FTCDNL1: variants seen among roughly 807,000 people sequenced by gnomAD.
FTCDNL1 encodes formiminotransferase N-terminal subdomain-containing protein.
A neutral mutation model predicts 5.9 loss-of-function variants in FTCDNL1; 11 were observed. That is an observed-to-expected ratio of 1.87 (90% CI 1.18 to 3.10). The LOEUF (loss-of-function observed/expected upper bound fraction) is 3.10. FTCDNL1 is among the 30% of genes most tolerant of loss of function. The pLI, the probability that FTCDNL1 is intolerant of heterozygous loss-of-function variation, is 0.00. For missense variants in FTCDNL1, 115 were observed against 65.5 expected (o/e 1.76, Z -2.61); for synonymous variants, 58 against 24.8 (o/e 2.34, Z -3.99).
chr2:199,710,321 GT>G, the FTCDNL1 span, among the ~76,000 whole-genome samples: 1 of 152,100 alleles, frequency 6.6e-6, no homozygotes, highest in Admixed American at 6.6e-5. Context: ...AGTTCAAGAA[GT>G]TTTTTTCAGG....
chr2:199,777,113 C>T (rs112241802), intron 3 of FTCDNL1, among the ~76,000 whole-genome samples: 2,507 of 151,560 alleles, frequency 0.017, 25 homozygotes, highest in Middle Eastern at 0.024. Context: ...GCCAACATGG[C>T]GAAACCCCGT....
At chr2:199,715,058 C>T in the FTCDNL1 span, among the ~76,000 whole-genome samples, 1 of 151,846 alleles carries the variant, frequency 6.6e-6, no homozygotes, top group Non-Finnish European at 1.5e-5. Context: ...CTAACCTGCA[C>T]ATTGTGCACA....
At chr2:199,675,676 C>G in the FTCDNL1 span, among the ~76,000 whole-genome samples, 2 of 152,088 alleles carry the variant, frequency 1.3e-5, no homozygotes, top group African/African-American at 4.8e-5. Context: ...GTGGCTTCTT[C>G]CTCACGGTTC....
At chr2:199,686,228 G>A in the FTCDNL1 span, among the ~76,000 whole-genome samples, 3 of 139,422 alleles carry the variant, frequency 2.2e-5, no homozygotes, top group Non-Finnish European at 4.8e-5. Flanking sequence ...TTTTTGTTAT[G>A]CACTATGATT....
the FTCDNL1 span, among the ~76,000 whole-genome samples, chr2:199,685,676 A>G: frequency 6.6e-6 from 1 of 152,198 alleles, no homozygotes; most frequent in Non-Finnish European, 1.5e-5. Context: ...AGTTTTTAAA[A>G]TCCTATGTTC....
At chr2:199,692,499 C>A in the FTCDNL1 span, among the ~76,000 whole-genome samples, 1 of 152,128 alleles carries the variant, frequency 6.6e-6, no homozygotes, top group South Asian at 2.1e-4. Flanking sequence ...TTTACAGTGG[C>A]GTAATTAAGG....
chr2:199,723,820 A>C, the FTCDNL1 span, among the ~76,000 whole-genome samples: 541 of 152,296 alleles, frequency 3.6e-3, 3 homozygotes, highest in African/African-American at 0.012. Flanking sequence ...ATCAATGTTC[A>C]TCAGGGATAT....
the FTCDNL1 span, among the ~76,000 whole-genome samples, chr2:199,703,155 T>C: frequency 6.6e-6 from 1 of 152,086 alleles, no homozygotes; most frequent in African/African-American, 2.4e-5. Flanking sequence ...GCTGCACCCA[T>C]TAACTCATCA....
At chr2:199,768,819 A>G (rs1027804850) in intron 3 of FTCDNL1, among the ~76,000 whole-genome samples, 16 of 152,138 alleles carry the variant, frequency 1.1e-4, no homozygotes, top group African/African-American at 3.9e-4. Flanking sequence ...TTTAACACGT[A>G]CTTGGCTGCT....
At chr2:199,717,351 T>C in the FTCDNL1 span, among the ~76,000 whole-genome samples, 6 of 152,238 alleles carry the variant, frequency 3.9e-5, no homozygotes, top group Admixed American at 1.3e-4. Flanking sequence ...GTTCAGTACT[T>C]ATTTCAGTAA....
At chr2:199,842,965 A>T (rs1037334066) in intron 3 of FTCDNL1, among the ~76,000 whole-genome samples, 18 of 152,146 alleles carry the variant, frequency 1.2e-4, no homozygotes, top group African/African-American at 4.1e-4. Flanking sequence ...CTTAAAAAAA[A>T]TTTGGATGAT....
chr2:199,837,630 A>C (rs1702842263), intron 3 of FTCDNL1, among the ~76,000 whole-genome samples: 1 of 152,206 alleles, frequency 6.6e-6, no homozygotes, highest in African/African-American at 2.4e-5. Context: ...CGCTGTGTGA[A>C]TGTGTCATGG....
intron 4 of FTCDNL1, among the ~76,000 whole-genome samples, chr2:199,814,032 C>T (rs1701205328): frequency 6.6e-6 from 1 of 151,910 alleles, no homozygotes. Flanking sequence ...AAGGTAAAAC[C>T]CTAGCCTAAA....
the FTCDNL1 span, among the ~76,000 whole-genome samples, chr2:199,679,180 A>G: frequency 2.0e-5 from 3 of 152,080 alleles, no homozygotes; most frequent in Non-Finnish European, 4.4e-5. Context: ...TTAATATTGA[A>G]TATTTTTATA....
chr2:199,789,551 T>C (rs1275883465), intron 3 of FTCDNL1, among the ~76,000 whole-genome samples: 2 of 152,124 alleles, frequency 1.3e-5, no homozygotes, highest in African/African-American at 4.8e-5. Context: ...CCATCTTAAT[T>C]AAAATTAGGA....
the FTCDNL1 span, among the ~76,000 whole-genome samples, chr2:199,735,113 T>TAAA: frequency 1.7e-5 from 1 of 58,764 alleles, no homozygotes; most frequent in African/African-American, 8.8e-5. Flanking sequence ...CCACTACCTT[T>TAAA]AGAAAAAAAA....
rs182415908 is a variant in FTCDNL1, at chr2:199,779,195, A to G, written c.212-18360T>C. ...ACAATATTTCTTATAAATTGGCTCT[A>G]TCGGCTGGGCAAAAGACTATTGATA... is the stretch of plus-strand genomic sequence containing the variant. On this transcript the variant is annotated intron_variant, in intron 3 of 3. Coordinates refer to the FTCDNL1 transcript ENST00000416668. Among the ~76,000 whole-genome samples, 304 of 152,358 alleles carry G rather than the reference A, an allele frequency of 2.0e-3. 1 individual carries two copies. The highest frequency in any genetic ancestry group is 3.2e-3 in the Non-Finnish European group (221 of 68,026).
At chr2:199,774,449 C>T (rs1447472055) in intron 3 of FTCDNL1, among the ~76,000 whole-genome samples, 1 of 152,106 alleles carries the variant, frequency 6.6e-6, no homozygotes, top group African/African-American at 2.4e-5. Context: ...CTCTATTTGT[C>T]TCATACTAGG....
At chr2:199,706,578 T>A in the FTCDNL1 span, among the ~76,000 whole-genome samples, 1 of 152,196 alleles carries the variant, frequency 6.6e-6, no homozygotes, top group Non-Finnish European at 1.5e-5. Context: ...CATATGTTCA[T>A]CCACATGCCT....
Sources: gnomAD v4.1 joint callset for allele counts (sites outside exome capture counted in the v4.1 genomes callset) on GRCh38, gnomAD v4.1.1 for gene constraint, MANE v1.5 for transcripts, NCBI Gene and HGNC (gene_info 2026-07-23, HGNC 2026-07-21) for gene names.